The following NBEA variants were observed in gnomAD, a reference collection of about 807,000 sequenced individuals.
The protein encoded by NBEA is lysosomal-trafficking regulator 2.
Under a neutral mutation model 343.4 loss-of-function variants are expected in NBEA, and 44 were observed. The observed-to-expected ratio is 0.13, with a 90% confidence interval of 0.10 to 0.16. NBEA has a LOEUF of 0.16. Among genes scored for constraint, NBEA ranks in the 10% least tolerant of loss-of-function variants. The probability of loss-of-function intolerance (pLI) is 1.00; values close to 1 mark genes in which losing one functional copy is unlikely to be tolerated. For missense variants in NBEA, 2,555 were observed against 3,631.3 expected (o/e 0.70, Z 7.62); for synonymous variants, 1,175 against 1,238.7 (o/e 0.95, Z 1.08).
chr13:35,163,841 G>A (rs1010826381), intron 23 of NBEA, among the ~76,000 whole-genome samples: 5 of 151,976 alleles, frequency 3.3e-5, no homozygotes, highest in African/African-American at 1.2e-4. Flanking sequence ...CTAGTCAAAG[G>A]TGGGGCTGAA....
rs1031455874 is a variant in NBEA at position 35,111,033 on chromosome 13, G to A, written c.2002+55G>A. ...TTTGCCTATGATTATTCTGTATTCT[G>A]AGTACTGTTAAAGTGAGCAGTGTAC... On this transcript the variant is annotated intron_variant, in intron 13 of 58. Coordinates refer to ENST00000379939, the MANE Select transcript of NBEA (RefSeq NM_001385012.1). The A allele has an allele frequency of 3.1e-5, 45 of 1,446,400 alleles. 1 individual carries two copies. The highest frequency in any genetic ancestry group is 5.7e-6 in the Non-Finnish European group (6 of 1,059,024). The allele number at this position is 1,446,400 out of a possible 1,614,324, so 89.6% of individuals were successfully genotyped here. A position where few individuals can be genotyped will look rare whatever the true frequency, so the allele number is the denominator to read the frequency against.
At chr13:35,401,253 G>A (rs2042991146) in intron 38 of NBEA, among the ~76,000 whole-genome samples, 1 of 151,932 alleles carries the variant, frequency 6.6e-6, no homozygotes, top group South Asian at 2.1e-4. Flanking sequence ...GCAATGATAA[G>A]ACAGAAAAGA....
chr13:35,271,006 G>A (rs2034099878), intron 34 of NBEA, among the ~76,000 whole-genome samples: 1 of 152,224 alleles, frequency 6.6e-6, no homozygotes, highest in African/African-American at 2.4e-5. Context: ...GTTCCCCCCA[G>A]CATGGCATTT....
At chr13:35,459,168 G>T (rs2046773069) in intron 40 of NBEA, among the ~76,000 whole-genome samples, 1 of 152,060 alleles carries the variant, frequency 6.6e-6, no homozygotes, top group South Asian at 2.1e-4. Flanking sequence ...CCACTTTGTT[G>T]CCCATGACAC....
intron 36 of NBEA, among the ~76,000 whole-genome samples, chr13:35,340,971 T>C (rs772517100): frequency 9.9e-5 from 15 of 152,124 alleles, no homozygotes; most frequent in Non-Finnish European, 1.6e-4. Flanking sequence ...GGAGGACTTA[T>C]ACTTCTTAAT....
intron 10 of NBEA, among the ~76,000 whole-genome samples, chr13:35,074,658 A>G (rs2064032955): frequency 6.6e-6 from 1 of 152,152 alleles, no homozygotes; most frequent in Non-Finnish European, 1.5e-5. Context: ...TATTGAATAC[A>G]TACTGTGTGC....
intron 41 of NBEA, among the ~76,000 whole-genome samples, chr13:35,506,786 C>T (rs2152984121): frequency 6.6e-6 from 1 of 152,262 alleles, no homozygotes; most frequent in Middle Eastern, 3.4e-3. Context: ...ATTCCTAGGT[C>T]CATGTTCTTA....
chr13:35,079,053 G>C (rs2152597073), intron 10 of NBEA, among the ~76,000 whole-genome samples: 2 of 152,076 alleles, frequency 1.3e-5, no homozygotes, highest in South Asian at 4.1e-4. Context: ...AAACCTACTA[G>C]GAGGAATTCA....
At chr13:35,020,286 TA>T (rs1185258543) in intron 1 of NBEA, among the ~76,000 whole-genome samples, 1 of 152,190 alleles carries the variant, frequency 6.6e-6, no homozygotes, top group Non-Finnish European at 1.5e-5. Context: ...TCCACATACT[TA>T]GGTATTATTA....
intron 37 of NBEA, among the ~76,000 whole-genome samples, chr13:35,350,907 A>T (rs1305635642): frequency 6.6e-6 from 1 of 151,882 alleles, no homozygotes; most frequent in Non-Finnish European, 1.5e-5. Flanking sequence ...TTGATTTTAG[A>T]TGGGTACTTC....
At chr13:35,578,330 G>C (rs556089872) in intron 45 of NBEA, among the ~76,000 whole-genome samples, 21 of 152,104 alleles carry the variant, frequency 1.4e-4, no homozygotes, top group Non-Finnish European at 3.1e-4. Context: ...TGTGAGGAAT[G>C]AGGAATTAAG....
intron 41 of NBEA, among the ~76,000 whole-genome samples, chr13:35,479,367 G>GA (rs1292717348): frequency 6.6e-6 from 1 of 152,134 alleles, no homozygotes; most frequent in African/African-American, 2.4e-5. Flanking sequence ...CTATTACACT[G>GA]AACACGTGAA....
chr13:35,540,270 A>G (rs1031222257), intron 41 of NBEA, among the ~76,000 whole-genome samples: 6 of 152,132 alleles, frequency 3.9e-5, no homozygotes, highest in African/African-American at 1.4e-4. Context: ...GAGAAGACAT[A>G]TAAATATAAC....
chr13:35,546,683 G>A (rs2079076620), intron 41 of NBEA, among the ~76,000 whole-genome samples: 5 of 151,598 alleles, frequency 3.3e-5, no homozygotes, highest in Admixed American at 3.3e-4. Context: ...CTCCCAAGTA[G>A]CTGGGATTAC....
intron 36 of NBEA, among the ~76,000 whole-genome samples, chr13:35,319,512 A>G (rs1279194364): frequency 3.3e-5 from 5 of 152,192 alleles, no homozygotes; most frequent in Non-Finnish European, 7.3e-5. Context: ...TTTACTTCCA[A>G]TTATGCAGCC....
At chr13:35,379,611 T>C (rs2041911309) in intron 38 of NBEA, among the ~76,000 whole-genome samples, 1 of 152,194 alleles carries the variant, frequency 6.6e-6, no homozygotes, top group African/African-American at 2.4e-5. Context: ...AAAGATGTTC[T>C]CTTAGGTTTT....
chr13:35,558,998 G>GA (rs1220248712), intron 44 of NBEA, among the ~76,000 whole-genome samples: 2 of 152,082 alleles, frequency 1.3e-5, no homozygotes, highest in East Asian at 1.9e-4. Flanking sequence ...AATGACAATT[G>GA]AAAAAAATTA....
intron 38 of NBEA, among the ~76,000 whole-genome samples, chr13:35,406,459 C>G (rs2043276736): frequency 6.6e-6 from 1 of 152,080 alleles, no homozygotes; most frequent in Non-Finnish European, 1.5e-5. Context: ...CTCATCCCCT[C>G]CCACCCTTTC....
chr13:35,569,114 T>TA (rs2080276387), intron 45 of NBEA, among the ~76,000 whole-genome samples: 2 of 152,198 alleles, frequency 1.3e-5, no homozygotes, highest in African/African-American at 4.8e-5. Flanking sequence ...GAATCATTGA[T>TA]ATAGGCCATA....
Sources: allele counts gnomAD v4.1 joint callset (sites outside exome capture counted in the v4.1 genomes callset), GRCh38; gene constraint gnomAD v4.1.1; transcripts MANE v1.5; gene names NCBI Gene and HGNC (gene_info 2026-07-23, HGNC 2026-07-21).